Variants in KCTD2 observed in about 807,000 individuals in gnomAD.
KCTD2 encodes the protein BTB/POZ domain-containing protein KCTD2.
Under a neutral mutation model 27.9 loss-of-function variants are expected in KCTD2, and 18 were observed. That is an observed-to-expected ratio of 0.64 (90% CI 0.45 to 0.96). KCTD2 has a LOEUF of 0.96. KCTD2 is among the 40% of genes least tolerant of loss of function. The pLI, the probability that KCTD2 is intolerant of heterozygous loss-of-function variation, is 0.00. For missense variants in KCTD2, 280 were observed against 348.0 expected (o/e 0.80, Z 1.56); for synonymous variants, 175 against 148.4 (o/e 1.18, Z -1.30).
chr17:75,062,062 C>CT (rs1268550347), intron 4 of KCTD2, 58 bp from the exon 5 acceptor site: 1 of 1,604,720 alleles, frequency 6.2e-7, no homozygotes, highest in Admixed American at 1.7e-5. Flanking sequence ...TTGTGTAGCA[C>CT]TTTCGAAAGT....
intron 3 of KCTD2, among the ~76,000 whole-genome samples, chr17:75,053,698 C>T (rs928335986): frequency 5.3e-5 from 8 of 152,010 alleles, no homozygotes; most frequent in Non-Finnish European, 7.4e-5. Flanking sequence ...CCGCCTCAGC[C>T]TCCCAAAGTG....
intron 3 of KCTD2, among the ~76,000 whole-genome samples, chr17:75,058,052 A>T (rs2073367038): frequency 1.3e-5 from 2 of 152,002 alleles, no homozygotes; most frequent in South Asian, 4.1e-4. Flanking sequence ...GGCTGGGCAC[A>T]GTGGCTCATG....
intron 3 of KCTD2, among the ~76,000 whole-genome samples, chr17:75,055,144 T>C (rs1423231467): frequency 4.6e-5 from 7 of 152,082 alleles, no homozygotes; most frequent in African/African-American, 1.7e-4. Flanking sequence ...AACCTCTGCC[T>C]CCCAGGTTCA....
Position 75,036,827 on chromosome 17 carries a change from A to G in KCTD2, c.-259+1470A>G, listed in dbSNP as rs371683212. Among the ~76,000 whole-genome samples, 216 of 152,222 alleles carry G rather than the reference A, an allele frequency of 1.4e-3. 1 individual carries two copies. Among genetic ancestry groups the G allele is most frequent in the African/African-American group, 4.9e-3 (202 of 41,540 alleles). ...GTGTGGTACTTCTGTTACGCACATT[A>G]AAGGCCTTGCACAGCTACCGCTCCT... On this transcript the variant is annotated intron_variant, in intron 3 of 7. Coordinates refer to the KCTD2 transcript ENST00000581589.
chr17:75,045,509 G>C (rs888261712), upstream of KCTD2, among the ~76,000 whole-genome samples: 1 of 152,196 alleles, frequency 6.6e-6, no homozygotes, highest in Admixed American at 6.5e-5. Context: ...CCCCAGGGGG[G>C]CCAGTTCAGA....
At chr17:75,037,407 C>T (rs2073114994) in intron 3 of KCTD2, among the ~76,000 whole-genome samples, 1 of 151,558 alleles carries the variant, frequency 6.6e-6, no homozygotes, top group Admixed American at 6.6e-5. Context: ...GTAGACCATG[C>T]AGACTTTTCC....
chr17:75,044,429 T>A (rs1487978026), upstream of KCTD2, among the ~76,000 whole-genome samples: 2 of 112,426 alleles, frequency 1.8e-5, no homozygotes. Flanking sequence ...ATGGTCTCGA[T>A]CTCCTGACCT....
chr17:75,033,771 T>C (rs903009755), intron 1 of KCTD2, among the ~76,000 whole-genome samples: 5 of 152,206 alleles, frequency 3.3e-5, no homozygotes, highest in Admixed American at 3.3e-4. Context: ...CACCGCGGTA[T>C]CTTCCCGCCC....
upstream of KCTD2, among the ~76,000 whole-genome samples, chr17:75,044,067 C>CG (rs2073187731): frequency 6.6e-6 from 1 of 150,644 alleles, no homozygotes; most frequent in Non-Finnish European, 1.5e-5. Context: ...CTCTGTCCCC[C>CG]GGGCTGGAGT....
At chr17:75,047,715 C>T in intron 1 of KCTD2, 126 bp downstream of exon 1, 1 of 853,284 alleles carries the variant, frequency 1.2e-6, no homozygotes, top group South Asian at 1.7e-5. Context: ...CATCCTCCCC[C>T]TCCCTCCCAC....
At chr17:75,051,563 C>T (rs1273163523) in intron 2 of KCTD2, among the ~76,000 whole-genome samples, 1 of 150,814 alleles carries the variant, frequency 6.6e-6, no homozygotes, top group African/African-American at 2.4e-5. Flanking sequence ...CGATTACAGG[C>T]GTGAGCCACC....
chr17:75,034,471 A>C (rs1019800142), intron 2 of KCTD2, among the ~76,000 whole-genome samples: 2 of 152,120 alleles, frequency 1.3e-5, no homozygotes, highest in East Asian at 3.9e-4. Context: ...CTGGCTTAGG[A>C]GGCCAGTGCC....
intron 2 of KCTD2, chr17:75,035,109 C>A (rs574827273): frequency 7.9e-5 from 12 of 152,072 alleles, no homozygotes; most frequent in Admixed American, 6.5e-4. Flanking sequence ...TAGCTGCAGC[C>A]GGAGACCGCG....
chr17:75,044,685 A>G (rs1030037173), upstream of KCTD2, among the ~76,000 whole-genome samples: 1 of 152,340 alleles, frequency 6.6e-6, no homozygotes, highest in Non-Finnish European at 1.5e-5. Flanking sequence ...TGTGAGAAAA[A>G]TACAGAAAAC....
At chr17:75,033,939 C>T (rs1027766586) in intron 1 of KCTD2, 3 of 152,384 alleles carry the variant, frequency 2.0e-5, no homozygotes, top group Middle Eastern at 3.4e-3. Context: ...GCACTGGCCT[C>T]CTAAGCCAGG....
At chr17:75,042,905 TAGCTTTTC>T (rs1244688963), upstream of KCTD2, among the ~76,000 whole-genome samples, 8 of 151,058 alleles carry the variant, frequency 5.3e-5, no homozygotes, top group African/African-American at 1.7e-4. Flanking sequence ...AAAGACAGTG[TAGCTTTTC>T]AAATTCAAGG....
At chr17:75,051,611 T>C (rs1404809974) in intron 2 of KCTD2, among the ~76,000 whole-genome samples, 1 of 151,426 alleles carries the variant, frequency 6.6e-6, no homozygotes, top group Non-Finnish European at 1.5e-5. Flanking sequence ...ATATTTGCAT[T>C]GTCCTTCATT....
intron 4 of KCTD2, among the ~76,000 whole-genome samples, chr17:75,059,889 T>A (rs1222011819): frequency 6.6e-6 from 1 of 152,220 alleles, no homozygotes; most frequent in Non-Finnish European, 1.5e-5. Context: ...CCTTTGGTTT[T>A]TGTTCCCTCA....
At chr17:75,042,080 T>G in intron 3 of KCTD2, 1 of 1,041,474 alleles carries the variant, frequency 9.6e-7, no homozygotes, top group Non-Finnish European at 1.4e-6. Context: ...TAAGCTTCCT[T>G]AGGGATCTGG....
Sources: allele counts gnomAD v4.1 joint callset (sites outside exome capture counted in the v4.1 genomes callset), GRCh38; gene constraint gnomAD v4.1.1; transcripts MANE v1.5; gene names NCBI Gene and HGNC (gene_info 2026-07-23, HGNC 2026-07-21).